The following GATD1 variants were observed in gnomAD, a reference collection of about 807,000 sequenced individuals.
The protein encoded by GATD1 is glutamine amidotransferase class 1 domain containing 1.
In GATD1, 23 loss-of-function variants were observed where a neutral mutation model predicts 25.9. That is an observed-to-expected ratio of 0.89 (90% CI 0.64 to 1.26). The LOEUF (loss-of-function observed/expected upper bound fraction) is 1.26. Ranked by LOEUF, GATD1 falls within the 50% of genes most tolerant of loss-of-function variation. The pLI, the probability that GATD1 is intolerant of heterozygous loss-of-function variation, is 0.00. For missense variants in GATD1, 347 were observed against 312.5 expected (o/e 1.11, Z -0.83); for synonymous variants, 177 against 134.6 (o/e 1.31, Z -2.18).
Position 772,416 on chromosome 11 carries a change from C to T in GATD1, c.450+11G>A, listed in dbSNP as rs376156923. 7.4e-4 allele frequency: 1,196 copies of T among 1,612,024 alleles called. 23 individuals are homozygous for T. The South Asian group carries it at 0.012, about 17-fold the overall frequency. On this transcript the variant is annotated intron_variant, in intron 5 of 7. Coordinates refer to ENST00000319863, the MANE Select transcript of GATD1 (RefSeq NM_182612.4). ...AGGGAGCACAGCGTGCCTCGGCCTC[C>T]AGACACTCACCCCTGTCAGGCTGTA...
In GATD1 at chr11:767,406, G is replaced by A; in HGVS notation, c.*3491C>T. ...AGAGAGAACTGTGCACAGCGGGGAG[G>A]CTCTCCAAGCCAGAGGCCTCGCACG... is the stretch of plus-strand genomic sequence containing the variant. On this transcript the variant is annotated 3_prime_UTR_variant, in exon 8 of 8. Coordinates refer to ENST00000319863, the MANE Select transcript of GATD1 (RefSeq NM_182612.4). 6.5e-7 allele frequency: 1 copy of A among 1,528,034 alleles called. No individual in the cohort carries two copies. Among genetic ancestry groups the A allele is most frequent in the Non-Finnish European group, 8.7e-7 (1 of 1,143,124 alleles). The allele number at this position is 1,528,034 out of a possible 1,614,324, so 94.7% of individuals were successfully genotyped here. A position where few individuals can be genotyped will look rare whatever the true frequency, so the allele number is the denominator to read the frequency against.
chr11:767,588 A>G lies in GATD1; in HGVS notation c.*3309T>C, dbSNP rs1387800993. 3 of 1,402,824 alleles carry G rather than the reference A, an allele frequency of 2.1e-6. No individual in the cohort carries two copies. The highest frequency in any genetic ancestry group is 5.2e-5 in the East Asian group (2 of 38,104). The allele number at this position is 1,402,824 out of a possible 1,614,324, so 86.9% of individuals were successfully genotyped here. On this transcript the variant is annotated 3_prime_UTR_variant, in exon 8 of 8. Transcript: ENST00000319863. The stretch of plus-strand genomic sequence containing the variant: ...TCTGGCTGACCAGAGGGGCTCAATG[A>G]GGCTCACTGGCTCTTCATGCACCCT...
chr11:772,457 G>A lies in GATD1; in HGVS notation c.420C>T (p.Ser140=), dbSNP rs191210214. The change falls in exon 5 of 8, where the codon TCC becomes TCT. Residue 140 remains serine (S), a synonymous_variant. Coordinates refer to ENST00000319863, the MANE Select transcript of GATD1 (RefSeq NM_182612.4). ...TCAGGCTGTAGCTGTCGAACACCCA[G>A]GATCTGTCCTCGTTGGTGGCACAGC... ...ALCCATNEDR[S]WVFDSYSLTG... 9.9e-6 allele frequency: 16 copies of A among 1,613,408 alleles called. No individual in the cohort carries two copies. In the East Asian group the frequency reaches 2.9e-4, roughly 29 times the overall value.
chr11:774,608 G>A (rs7952569), intron 2 of GATD1, among the ~76,000 whole-genome samples: 68,336 of 152,108 alleles, frequency 0.45, 15,784 homozygotes, highest in East Asian at 0.56. Flanking sequence ...AGGCGGGTGG[G>A]TCACCTGAGG....
At chr11:773,367 T>C (rs1034188973) in intron 4 of GATD1, 155 bp downstream of exon 4, 15 of 644,942 alleles carry the variant, frequency 2.3e-5, no homozygotes, top group Admixed American at 1.6e-4. Context: ...GAAGGGGCAG[T>C]CCCTGCCTCC....
rs1316403407 is a variant in GATD1, at chr11:773,587, G to GC, written c.289dup (p.Ala97GlyfsTer21). The GC allele has an allele frequency of 6.2e-7, 1 of 1,609,836 alleles. No homozygotes were observed. The highest frequency in any genetic ancestry group is 1.3e-5 in the African/African-American group (1 of 74,810). On this transcript the variant is annotated frameshift_variant, in exon 4 of 8. Transcript: ENST00000319863. LOFTEE classifies it high-confidence loss of function. Reference sequence around the variant, plus strand: ...GCCACTGCTGGCCAGGTCGGTCAGGGCCCCAGGACAGCTGGGGATCAGGAG... The same window carrying GC: ...GCCACTGCTGGCCAGGTCGGTCAGGGCCCCCAGGACAGCTGGGGATCAGGAG...
intron 5 of GATD1, among the ~76,000 whole-genome samples, chr11:771,998 T>C (rs1484091557): frequency 6.6e-6 from 1 of 152,146 alleles, no homozygotes; most frequent in Non-Finnish European, 1.5e-5. Flanking sequence ...CCGCCCCCAG[T>C]GTCCACAGAG....
chr11:775,172 G>C (rs369824130), intron 1 of GATD1, 30 bp from the exon 2 acceptor site: 6 of 1,571,020 alleles, frequency 3.8e-6, no homozygotes, highest in Non-Finnish European at 4.3e-6. Context: ...GTGTGGGCTC[G>C]ACAGGACTAG....
chr11:775,471 G>A (rs1354013641), intron 1 of GATD1, among the ~76,000 whole-genome samples: 1 of 152,210 alleles, frequency 6.6e-6, no homozygotes, highest in Non-Finnish European at 1.5e-5. Flanking sequence ...GCTGGGAGAG[G>A]ATGCAGCCCA....
At position 771,046 on chromosome 11, in the gene GATD1, A is replaced by C. The variant is rs766795921; in HGVS notation, c.603T>G (p.Asn201Lys). 1 of 1,612,604 alleles carries C rather than the reference A, an allele frequency of 6.2e-7. No individual in the cohort carries two copies. The highest frequency in any genetic ancestry group is 1.7e-5 in the Admixed American group (1 of 59,978). The change falls in exon 7 of 8, where the codon AAT becomes AAG. Residue 201 changes from asparagine to lysine, a missense_variant. Coordinates refer to ENST00000319863, the MANE Select transcript of GATD1 (RefSeq NM_182612.4). ...GCACGGCCGGGACAGTGGAGCTGGC[A>C]TTCTGGCCTGTGACCAGGTGGCGGT... ...VLDRHLVTGQ[N>K]ASSTVPAVQN...
In GATD1 at chr11:771,028, C is replaced by T. The variant is rs1044363216; in HGVS notation, c.621G>A (p.Pro207=). 1.6e-5 allele frequency: 26 copies of T among 1,613,050 alleles called. No individual in the cohort carries two copies. Among genetic ancestry groups the T allele is most frequent in the African/African-American group, 6.7e-5 (5 of 74,928 alleles). Residue 207 remains proline (P), a synonymous_variant, in exon 7 of 8, where the codon CCG becomes CCA. Coordinates refer to ENST00000319863, the MANE Select transcript of GATD1 (RefSeq NM_182612.4). ...VTGQNASSTV[P]AVQNLLFLCG... ...AGAGGAAGAGCAGGTTCTGCACGGCCGGGACAGTGGAGCTGGCATTCTGGC... is the reference window on the plus strand; with the variant it reads ...AGAGGAAGAGCAGGTTCTGCACGGCTGGGACAGTGGAGCTGGCATTCTGGC...
Position 769,747 on chromosome 11 carries a change from C to T in GATD1, c.*1150G>A, listed in dbSNP as rs1863268589. The T allele has an allele frequency of 9.4e-6, 2 of 212,698 alleles. No individual in the cohort carries two copies. Among genetic ancestry groups the T allele is most frequent in the Non-Finnish European group, 1.6e-5 (2 of 123,464 alleles). The allele number at this position is 212,698 out of a possible 1,614,324, so 13.2% of individuals were successfully genotyped here. ...GCCTCAGCCTCCCAAGTAGCTGGGA[C>T]TACACACACCCACCACCATGCCAGG... is the stretch of plus-strand genomic sequence containing the variant. On this transcript the variant is annotated 3_prime_UTR_variant, in exon 8 of 8. Coordinates refer to ENST00000319863, the MANE Select transcript of GATD1 (RefSeq NM_182612.4).
In GATD1 at chr11:773,512, G is replaced by A. The variant is rs1341461528; in HGVS notation, c.355+10C>T. ...TCCAACCCCTCCCCTGGGTCCCAGGGGTCACCTACTGCTCTCAGAGTGGAA... is the reference window on the plus strand; with the variant it reads ...TCCAACCCCTCCCCTGGGTCCCAGGAGTCACCTACTGCTCTCAGAGTGGAA... On this transcript the variant is annotated intron_variant, in intron 4 of 7. Transcript: ENST00000319863. The A allele has an allele frequency of 1.2e-6, 2 of 1,605,642 alleles. No homozygotes were observed. The highest frequency in any genetic ancestry group is 8.5e-7 in the Non-Finnish European group (1 of 1,175,382).
In GATD1 at chr11:774,069, G is replaced by T. The variant is rs150696881; in HGVS notation, c.186C>A (p.Arg62=). 98 of 1,613,606 alleles carry T rather than the reference G, an allele frequency of 6.1e-5. No individual in the cohort carries two copies. The African/African-American group carries it at 1.2e-3, about 20-fold the overall frequency. Residue 62 remains arginine (R), a synonymous_variant, in exon 3 of 8, where the codon CGC becomes CGA. Coordinates refer to ENST00000319863, the MANE Select transcript of GATD1 (RefSeq NM_182612.4). ...CCTTGAGGCGGAAGTCTTGCACCCA[G>T]CGTGCATTGCTCTCAGTCACATCCA... is the stretch of plus-strand genomic sequence containing the variant. ...EFVDVTESNA[R]WVQDFRLKAY... is the part of the protein sequence containing the mutation.
intron 4 of GATD1, among the ~76,000 whole-genome samples, chr11:773,115 G>T (rs559454158): frequency 2.0e-5 from 3 of 151,194 alleles, no homozygotes; most frequent in East Asian, 2.0e-4. Context: ...CCGGCCAGTG[G>T]ACACACTCAT....
chr11:769,336 T>C lies in GATD1; in HGVS notation c.*1561A>G, dbSNP rs1280518648. On this transcript the variant is annotated 3_prime_UTR_variant, in exon 8 of 8. Coordinates refer to ENST00000319863, the MANE Select transcript of GATD1 (RefSeq NM_182612.4). ...ACGGCTTTATTTTATTATTTTTTAT[T>C]TTTGAGACGGAGTTTCACTCATTGC... 1 of 978,912 alleles carries C rather than the reference T, an allele frequency of 1.0e-6. No homozygotes were observed. The highest frequency in any genetic ancestry group is 1.2e-6 in the Non-Finnish European group (1 of 824,230). The allele number at this position is 978,912 out of a possible 1,614,324, so 60.6% of individuals were successfully genotyped here.
chr11:773,861 A>C, intron 3 of GATD1, 147 bp downstream of exon 3: 1 of 738,074 alleles, frequency 1.4e-6, no homozygotes, highest in East Asian at 2.7e-5. Flanking sequence ...TCTGGGGCCC[A>C]GGATGTGGGG....
chr11:770,899 A>C lies in GATD1; in HGVS notation c.661T>G (p.Ter221GlyextTer31). ...GGGGGTGCATCTACCCAGCAGGTTCATTTCCTGCAGGACAGACGTGTGGTC... is the reference window on the plus strand; with the variant it reads ...GGGGGTGCATCTACCCAGCAGGTTCCTTTCCTGCAGGACAGACGTGTGGTC... ...NLLFLCGSRK[*>G] The change falls in exon 8 of 8, where the codon TGA (stop) becomes GGA (glycine). Residue 221 changes from the stop codon to glycine, a stop_lost. Coordinates refer to ENST00000319863, the MANE Select transcript of GATD1 (RefSeq NM_182612.4). 3 of 1,608,236 alleles carry C rather than the reference A, an allele frequency of 1.9e-6. No homozygotes were observed. Among genetic ancestry groups the C allele is most frequent in the Non-Finnish European group, 2.6e-6 (3 of 1,176,296 alleles).
In GATD1 at chr11:773,865, T is replaced by G. The variant is rs1355539511; in HGVS notation, c.247+143A>C. 5.4e-6 allele frequency: 4 copies of G among 745,344 alleles called. No individual in the cohort carries two copies. The East Asian group carries it at 1.1e-4, about 20-fold the overall frequency. The allele number at this position is 745,344 out of a possible 1,614,324, so 46.2% of individuals were successfully genotyped here. On this transcript the variant is annotated intron_variant, in intron 3 of 7. Coordinates refer to ENST00000319863, the MANE Select transcript of GATD1 (RefSeq NM_182612.4). ...GGCTCAGAAACTCTGGGGCCCAGGA[T>G]GTGGGGCTGGAGGCTGCCCCAAATG...
Sources: gnomAD v4.1 joint callset for allele counts (sites outside exome capture counted in the v4.1 genomes callset) on GRCh38, gnomAD v4.1.1 for gene constraint, MANE v1.5 for transcripts, NCBI Gene and HGNC (gene_info 2026-07-23, HGNC 2026-07-21) for gene names.